Variants in ESRP1 observed in about 807,000 individuals in gnomAD.
The protein encoded by ESRP1 is RNA-binding motif protein 35A.
ESRP1 carries 33 observed loss-of-function variants against 81.7 expected under a neutral mutation model. That is an observed-to-expected ratio of 0.40 (90% confidence interval 0.31 to 0.54). The LOEUF is 0.54. ESRP1 is among the 20% of genes least tolerant of loss of function. The probability of loss-of-function intolerance (pLI) is 0.41; values close to 1 mark genes in which losing one functional copy is unlikely to be tolerated. For missense variants in ESRP1, 672 were observed against 833.1 expected (o/e 0.81, Z 2.38); for synonymous variants, 320 against 303.3 (o/e 1.06, Z -0.57).
chr8:94,692,815 C>T lies in ESRP1; in HGVS notation c.1959C>T (p.Phe653=), dbSNP rs888137277. ...GAGTTAAGGAAATTCTTAACTTCTT[C>T]CAAGGTTACCAGGTCAGTAGCTTGA... ...NTGVKEILNF[F]QGYQYATEDG... Residue 653 remains phenylalanine, a synonymous_variant, in exon 14 of 16, where the codon TTC becomes TTT. Coordinates refer to ENST00000433389, the MANE Select transcript of ESRP1 (RefSeq NM_017697.4). 4.3e-6 allele frequency: 7 copies of T among 1,612,926 alleles called. No individual in the cohort carries two copies. The highest frequency in any genetic ancestry group is 5.9e-6 in the Non-Finnish European group (7 of 1,179,502).
intron 13 of ESRP1, among the ~76,000 whole-genome samples, chr8:94,685,677 A>G (rs971600539): frequency 7.2e-5 from 11 of 151,964 alleles, no homozygotes; most frequent in Non-Finnish European, 1.3e-4. Flanking sequence ...GCAGATGCCT[A>G]TAATCCCAGC....
In ESRP1 at chr8:94,643,525, T is replaced by C. The variant is rs183992756; in HGVS notation, c.375+109T>C. Reference sequence around the variant, plus strand: ...TTCTCTGTTCTTAAAAAGATGCATATAGGGAGTTATTTAATGAGTACAGAA... The same window carrying C: ...TTCTCTGTTCTTAAAAAGATGCATACAGGGAGTTATTTAATGAGTACAGAA... On this transcript the variant is annotated intron_variant, in intron 3 of 15. Transcript: ENST00000433389. 9.3e-6 allele frequency: 6 copies of C among 644,000 alleles called. No individual in the cohort carries two copies. The East Asian group carries it at 1.6e-4, about 18-fold the overall frequency. The allele number at this position is 644,000 out of a possible 1,614,324, so 39.9% of individuals were successfully genotyped here.
intron 6 of ESRP1, among the ~76,000 whole-genome samples, chr8:94,662,860 G>A (rs756432554): frequency 2.0e-5 from 3 of 152,076 alleles, no homozygotes; most frequent in Non-Finnish European, 2.9e-5. Flanking sequence ...TGCCCGCCTC[G>A]CCTCCCAAAG....
At chr8:94,700,635 A>C (rs1809785061) in intron 15 of ESRP1, among the ~76,000 whole-genome samples, 1 of 152,254 alleles carries the variant, frequency 6.6e-6, no homozygotes, top group Non-Finnish European at 1.5e-5. Flanking sequence ...TATTTTTAAA[A>C]ATATGTTAAG....
At chr8:94,642,124 C>T in intron 2 of ESRP1, 40 bp downstream of exon 2, 3 of 1,598,038 alleles carry the variant, frequency 1.9e-6, no homozygotes, top group Non-Finnish European at 2.6e-6. Flanking sequence ...CAGCCTGGGC[C>T]CAACCCCACC....
chr8:94,681,819 A>G (rs1370338298), intron 13 of ESRP1, among the ~76,000 whole-genome samples: 1 of 152,094 alleles, frequency 6.6e-6, no homozygotes, highest in African/African-American at 2.4e-5. Context: ...CTATAGTTCC[A>G]GCTACTCCGG....
At chr8:94,681,994 C>G (rs987393837) in intron 13 of ESRP1, among the ~76,000 whole-genome samples, 3 of 152,178 alleles carry the variant, frequency 2.0e-5, no homozygotes, top group Middle Eastern at 3.2e-3. Flanking sequence ...GAAATGAAAG[C>G]ATGTATGCCT....
chr8:94,682,933 T>TATATATATATATATA (rs1491122070), intron 13 of ESRP1, among the ~76,000 whole-genome samples: 7 of 16,966 alleles, frequency 4.1e-4, no homozygotes, highest in African/African-American at 2.0e-3. Flanking sequence ...TATATATATA[T>TATATATATATATATA]TTTTTTTTTT....
At chr8:94,690,276 ATTTTTTTTTTTT>A (rs373440584) in intron 13 of ESRP1, among the ~76,000 whole-genome samples, 884 of 61,390 alleles carry the variant, frequency 0.014, 19 homozygotes, top group Middle Eastern at 0.079. Context: ...TGCCTGGCTA[ATTTTTTTTTTTT>A]TTTTTTTTTT....
chr8:94,657,308 C>T (rs1351458411), intron 4 of ESRP1, among the ~76,000 whole-genome samples: 2 of 152,210 alleles, frequency 1.3e-5, no homozygotes, highest in African/African-American at 4.8e-5. Flanking sequence ...ACTCATCTTT[C>T]CTTTCCTCAA....
intron 6 of ESRP1, 65 bp downstream of exon 6, chr8:94,662,620 G>C: frequency 1.5e-6 from 2 of 1,358,322 alleles, no homozygotes; most frequent in East Asian, 2.5e-5. Flanking sequence ...CTGTTTGTTT[G>C]TTTTTGAGAC....
chr8:94,685,570 G>A (rs72676935), intron 13 of ESRP1, among the ~76,000 whole-genome samples: 51,919 of 151,960 alleles, frequency 0.34, 9,521 homozygotes, highest in East Asian at 0.56. Context: ...GGGAGGCTGA[G>A]GAGAGCAAAT....
At chr8:94,666,646 A>G (rs1378266605) in intron 9 of ESRP1, among the ~76,000 whole-genome samples, 1 of 152,204 alleles carries the variant, frequency 6.6e-6, no homozygotes, top group Non-Finnish European at 1.5e-5. Flanking sequence ...GCATCCTATT[A>G]ACACAATCTG....
intron 3 of ESRP1, among the ~76,000 whole-genome samples, chr8:94,644,354 G>A (rs1817746641): frequency 6.6e-6 from 1 of 152,120 alleles, no homozygotes; most frequent in African/African-American, 2.4e-5. Context: ...AATGAAAGAT[G>A]TAGACTGACA....
At chr8:94,645,499 A>G (rs752858281) in intron 3 of ESRP1, among the ~76,000 whole-genome samples, 10 of 151,878 alleles carry the variant, frequency 6.6e-5, no homozygotes, top group African/African-American at 9.7e-5. Context: ...TAGCCACGGT[A>G]GTGGTCCTAA....
intron 2 of ESRP1, among the ~76,000 whole-genome samples, 169 bp from the exon 3 acceptor site, chr8:94,643,134 G>A (rs1306251553): frequency 6.6e-6 from 1 of 152,224 alleles, no homozygotes; most frequent in Non-Finnish European, 1.5e-5. Context: ...CTACCTCGAG[G>A]AAGCTAGACG....
intron 4 of ESRP1, among the ~76,000 whole-genome samples, chr8:94,647,492 G>A (rs954046686): frequency 8.5e-5 from 13 of 152,176 alleles, no homozygotes; most frequent in Non-Finnish European, 1.8e-4. Flanking sequence ...GTGTCAGCAT[G>A]GTCAGGTTCT....
chr8:94,673,451 A>G (rs1357040534), intron 11 of ESRP1, among the ~76,000 whole-genome samples: 1 of 152,182 alleles, frequency 6.6e-6, no homozygotes, highest in Non-Finnish European at 1.5e-5. Flanking sequence ...CTTGCATGGT[A>G]ATAATTTCAC....
At chr8:94,662,637 T>C in intron 6 of ESRP1, 82 bp downstream of exon 6, 1 of 1,223,880 alleles carries the variant, frequency 8.2e-7, no homozygotes, top group Admixed American at 2.4e-5. Context: ...AGACAGAGTC[T>C]TGCTCTGTCG....
Sources: allele counts gnomAD v4.1 joint callset (sites outside exome capture counted in the v4.1 genomes callset), GRCh38; gene constraint gnomAD v4.1.1; transcripts MANE v1.5; gene names NCBI Gene and HGNC (gene_info 2026-07-23, HGNC 2026-07-21).